Variants in LRRTM4 observed in about 807,000 individuals in gnomAD.
The protein encoded by LRRTM4 is leucine rich repeat transmembrane neuronal 4.
LRRTM4 carries 25 observed loss-of-function variants against 47.6 expected under a neutral mutation model. The observed-to-expected ratio is 0.53, with a 90% CI of 0.38 to 0.73. The LOEUF (loss-of-function observed/expected upper bound fraction) is 0.73. Among genes scored for constraint, LRRTM4 ranks in the 30% least tolerant of loss-of-function variants. The probability of loss-of-function intolerance (pLI) is 0.00; values close to 1 mark genes in which losing one functional copy is unlikely to be tolerated. For synonymous variants in LRRTM4, 311 were observed against 269.5 expected, an observed-to-expected ratio of 1.15 and a Z score of -1.51; for missense variants, 638 against 713.4, an observed-to-expected ratio of 0.89 and a Z score of 1.20.
intron 3 of LRRTM4, among the ~76,000 whole-genome samples, chr2:77,308,440 G>A (rs941980665): frequency 4.0e-5 from 6 of 151,846 alleles, no homozygotes; most frequent in Non-Finnish European, 7.4e-5. Flanking sequence ...ATTTTAGCTC[G>A]AATATTATCA....
intron 3 of LRRTM4, among the ~76,000 whole-genome samples, chr2:77,224,409 C>T (rs1362616703): frequency 6.6e-6 from 1 of 152,168 alleles, no homozygotes; most frequent in Admixed American, 6.5e-5. Context: ...AAACTACCAT[C>T]AGAGCGAACA....
intron 3 of LRRTM4, among the ~76,000 whole-genome samples, chr2:77,384,317 G>C (rs777461889): frequency 1.3e-5 from 2 of 151,488 alleles, no homozygotes; most frequent in African/African-American, 2.4e-5. Flanking sequence ...GTTTCAATTT[G>C]AATTTCAGTA....
chr2:76,940,005 T>C (rs1465864108), intron 3 of LRRTM4, among the ~76,000 whole-genome samples: 1 of 151,946 alleles, frequency 6.6e-6, no homozygotes, highest in Non-Finnish European at 1.5e-5. Flanking sequence ...GCTGAAGAGG[T>C]TGTAGAGAAA....
intron 3 of LRRTM4, among the ~76,000 whole-genome samples, chr2:76,851,097 T>G (rs1671979711): frequency 6.6e-6 from 1 of 152,202 alleles, no homozygotes; most frequent in Non-Finnish European, 1.5e-5. Flanking sequence ...CAGGGAACAC[T>G]GTGAGCAATT....
intron 3 of LRRTM4, among the ~76,000 whole-genome samples, chr2:77,248,897 A>G (rs1262029557): frequency 6.6e-6 from 1 of 152,134 alleles, no homozygotes; most frequent in African/African-American, 2.4e-5. Context: ...AATTTACTCA[A>G]AATGGATCAC....
chr2:76,877,247 A>G (rs1388140450), intron 3 of LRRTM4, among the ~76,000 whole-genome samples: 2 of 152,122 alleles, frequency 1.3e-5, no homozygotes, highest in African/African-American at 2.4e-5. Flanking sequence ...AAGTTGGTTG[A>G]AAATGTTACT....
intron 3 of LRRTM4, among the ~76,000 whole-genome samples, chr2:76,774,327 G>T (rs1376398905): frequency 6.6e-6 from 1 of 151,874 alleles, no homozygotes; most frequent in Non-Finnish European, 1.5e-5. Context: ...TAGTAGCTGG[G>T]ATTACAGGCA....
intron 3 of LRRTM4, among the ~76,000 whole-genome samples, chr2:77,038,508 G>A (rs766419310): frequency 6.6e-6 from 1 of 151,450 alleles, no homozygotes; most frequent in Non-Finnish European, 1.5e-5. Flanking sequence ...TTAGCATTGT[G>A]TATGTCACAT....
intron 3 of LRRTM4, among the ~76,000 whole-genome samples, chr2:77,067,395 G>C (rs1270633014): frequency 2.6e-5 from 4 of 151,888 alleles, no homozygotes; most frequent in Non-Finnish European, 5.9e-5. Context: ...CACTAAGCTG[G>C]TCAACAACAA....
At position 77,004,100 on chromosome 2, in the gene LRRTM4, A is replaced by G. The variant is rs13401128; in HGVS notation, c.1552-255184T>C. 7.8e-3 allele frequency among the ~76,000 whole-genome samples: 1,194 copies of G among 152,302 alleles called. 12 individuals carry two copies. Among genetic ancestry groups the G allele is most frequent in the African/African-American group, 0.027 (1,135 of 41,558 alleles). On this transcript the variant is annotated intron_variant, in intron 3 of 3. Coordinates refer to ENST00000409884, the MANE Select transcript of LRRTM4 (RefSeq NM_001134745.3). Reference sequence around the variant, plus strand: ...AGTGTTCAAGAGGAAGTAGAGCATAAAAGTTTGAAAAATTTGCAGCCTGAA... The same window carrying G: ...AGTGTTCAAGAGGAAGTAGAGCATAGAAGTTTGAAAAATTTGCAGCCTGAA...
At chr2:77,485,647 C>G (rs992565068) in intron 3 of LRRTM4, among the ~76,000 whole-genome samples, 1 of 152,156 alleles carries the variant, frequency 6.6e-6, no homozygotes, top group Admixed American at 6.5e-5. Flanking sequence ...TGGATTTGTT[C>G]TTGAACAAGA....
intron 3 of LRRTM4, among the ~76,000 whole-genome samples, chr2:77,101,071 G>A (rs980636325): frequency 2.0e-5 from 3 of 151,800 alleles, no homozygotes; most frequent in African/African-American, 7.3e-5. Context: ...TCCTGACCTC[G>A]TGATCCACCC....
chr2:77,307,942 A>T lies in LRRTM4; in HGVS notation c.1551+210376T>A, dbSNP rs866980592. Reference sequence around the variant, plus strand: ...TATAGATATATCTATATATTATAGAAATATAAATATATAGATATATCTATA... The same window carrying T: ...TATAGATATATCTATATATTATAGATATATAAATATATAGATATATCTATA... On this transcript the variant is annotated intron_variant, in intron 3 of 3. Transcript: ENST00000409884. 1.8e-3 allele frequency among the ~76,000 whole-genome samples: 205 copies of T among 113,416 alleles called. 1 individual carries two copies. The highest frequency in any genetic ancestry group is 7.1e-3 in the South Asian group (26 of 3,668). The allele number at this position is 113,416 out of a possible 152,430, so 74.4% of individuals were successfully genotyped here.
chr2:77,279,714 C>T (rs1676457700), intron 3 of LRRTM4, among the ~76,000 whole-genome samples: 1 of 151,710 alleles, frequency 6.6e-6, no homozygotes, highest in Non-Finnish European at 1.5e-5. Context: ...TATAATAAAA[C>T]CCCCATATGT....
intron 3 of LRRTM4, among the ~76,000 whole-genome samples, chr2:76,855,520 C>A (rs1256143572): frequency 6.6e-6 from 1 of 152,100 alleles, no homozygotes; most frequent in Non-Finnish European, 1.5e-5. Context: ...AGATTAGTGC[C>A]GAAGTAAATA....
At position 77,019,170 on chromosome 2, in the gene LRRTM4, C is replaced by G. The variant is rs139978650; in HGVS notation, c.1552-270254G>C. On this transcript the variant is annotated intron_variant, in intron 3 of 3. Transcript: ENST00000409884. ...TATAGAGAGTCAGAATATAGCTACA[C>G]TAACAAATGGATAGTACTGAGTTTT... Among the ~76,000 whole-genome samples, 183 of 135,904 alleles carry G rather than the reference C, an allele frequency of 1.3e-3. 2 individuals are homozygous for G. The East Asian group carries it at 0.021, about 16-fold the overall frequency. The allele number at this position is 135,904 out of a possible 152,430, so 89.2% of individuals were successfully genotyped here. A position where few individuals can be genotyped will look rare whatever the true frequency, so the allele number is the denominator to read the frequency against.
chr2:76,773,218 A>G (rs11901994), intron 3 of LRRTM4, among the ~76,000 whole-genome samples: 6 of 152,226 alleles, frequency 3.9e-5, no homozygotes, highest in African/African-American at 1.2e-4. Context: ...CCTAATTTCC[A>G]TAAGCCCCAA....
Position 76,952,792 on chromosome 2 carries a change from G to A in LRRTM4, c.1552-203876C>T, listed in dbSNP as rs142172513. On this transcript the variant is annotated intron_variant, in intron 3 of 3. Transcript: ENST00000409884. Reference sequence around the variant, plus strand: ...ATAGCAAAAACATGGTACCAATCTCGATGTCCGCCAGTGTGGGGGACTGGG... The same window carrying A: ...ATAGCAAAAACATGGTACCAATCTCAATGTCCGCCAGTGTGGGGGACTGGG... 4.3e-3 allele frequency among the ~76,000 whole-genome samples: 655 copies of A among 151,294 alleles called. 2 individuals are homozygous for A. Among genetic ancestry groups the A allele is most frequent in the African/African-American group, 0.015 (600 of 41,152 alleles).
At chr2:77,351,940 T>G (rs1023530074) in intron 3 of LRRTM4, among the ~76,000 whole-genome samples, 5 of 152,096 alleles carry the variant, frequency 3.3e-5, no homozygotes, top group Non-Finnish European at 7.4e-5. Flanking sequence ...ATTCTCTGAG[T>G]ATCCTCTTTT....
Sources: gnomAD v4.1 joint callset for allele counts (sites outside exome capture counted in the v4.1 genomes callset) on GRCh38, gnomAD v4.1.1 for gene constraint, MANE v1.5 for transcripts, NCBI Gene and HGNC (gene_info 2026-07-23, HGNC 2026-07-21) for gene names.